RNF130: variants seen among roughly 807,000 people sequenced by gnomAD.
RNF130 encodes the protein ring finger protein 130, also known as E3 ubiquitin-protein ligase RNF130.
In RNF130, 21 loss-of-function variants were observed where a neutral mutation model predicts 44.6. The observed-to-expected ratio is 0.47, with a 90% CI of 0.33 to 0.68. RNF130 has a LOEUF of 0.68. RNF130 is among the 30% of genes least tolerant of loss of function. RNF130 has a pLI of 0.02. For synonymous variants in RNF130, 214 were observed against 210.4 expected (o/e 1.02, Z -0.15); for missense variants, 479 against 560.6 (o/e 0.85, Z 1.47).
chr5:179,979,595 G>A (rs568260399), intron 4 of RNF130, among the ~76,000 whole-genome samples: 19 of 152,144 alleles, frequency 1.2e-4, no homozygotes, highest in African/African-American at 4.6e-4. Context: ...GAGAAGCAGG[G>A]CTCTACCATA....
chr5:179,935,348 G>C (rs891453989), intron 7 of RNF130, among the ~76,000 whole-genome samples: 1 of 151,768 alleles, frequency 6.6e-6, no homozygotes, highest in Non-Finnish European at 1.5e-5. Flanking sequence ...AGTTGATGAG[G>C]GCTATATAAA....
At chr5:179,940,685 G>A (rs1321708664) in intron 7 of RNF130, among the ~76,000 whole-genome samples, 1 of 151,610 alleles carries the variant, frequency 6.6e-6, no homozygotes, top group Non-Finnish European at 1.5e-5. Context: ...ATGTCTTGGT[G>A]TGGTTTTTTT....
At chr5:180,054,649 G>A (rs373586083) in intron 1 of RNF130, among the ~76,000 whole-genome samples, 6 of 152,166 alleles carry the variant, frequency 3.9e-5, no homozygotes, top group East Asian at 1.9e-4. Flanking sequence ...TTTTCAAATT[G>A]AGAAATGTGA....
At chr5:179,950,918 CACT>C (rs1352355362), downstream of RNF130, among the ~76,000 whole-genome samples, 1 of 152,156 alleles carries the variant, frequency 6.6e-6, no homozygotes, top group African/African-American at 2.4e-5. Flanking sequence ...CTTTGATCTC[CACT>C]GAGATGAAAC....
chr5:180,071,593 G>A lies in RNF130; in HGVS notation c.110C>T (p.Ala37Val), dbSNP rs1243015237. 4 of 1,503,574 alleles carry A rather than the reference G, an allele frequency of 2.7e-6. No individual in the cohort carries two copies. The highest frequency in any genetic ancestry group is 1.3e-5 in the South Asian group (1 of 78,654). The allele number at this position is 1,503,574 out of a possible 1,614,324, so 93.1% of individuals were successfully genotyped here. The change falls in exon 1 of 9, where the codon GCG becomes GTG. Residue 37 changes from alanine to valine, a missense_variant. By Grantham distance (64) the Ala-to-Val change is moderately conservative (BLOSUM62 0). Coordinates refer to ENST00000521389, the MANE Select transcript of RNF130 (RefSeq NM_018434.6). The stretch of plus-strand genomic sequence containing the variant: ...CTCCTGCACCGTCACGTTGATGAGC[G>A]CCGTGTAGTACTCCTGGCTCGCGTT... ...ADNASQEYYT[A>V]LINVTVQEPG...
intron 5 of RNF130, 125 bp downstream of exon 5, chr5:179,978,078 G>A (rs545275787): frequency 3.1e-5 from 23 of 751,748 alleles, no homozygotes; most frequent in African/African-American, 1.0e-4. Context: ...AATGCACAGC[G>A]GACTTGGCCT....
At chr5:180,043,818 G>A (rs980188293) in intron 1 of RNF130, among the ~76,000 whole-genome samples, 2 of 151,844 alleles carry the variant, frequency 1.3e-5, no homozygotes, top group Non-Finnish European at 2.9e-5. Flanking sequence ...ATCCATAAAA[G>A]GTCTCTGAAA....
intron 3 of RNF130, among the ~76,000 whole-genome samples, chr5:180,006,311 T>C (rs1694319339): frequency 6.6e-6 from 1 of 152,186 alleles, no homozygotes; most frequent in Admixed American, 6.5e-5. Flanking sequence ...AAAAAACCTT[T>C]TGAACCCACC....
intron 5 of RNF130, among the ~76,000 whole-genome samples, chr5:179,972,775 T>A (rs1762614719): frequency 6.6e-6 from 1 of 152,198 alleles, no homozygotes; most frequent in Admixed American, 6.5e-5. Context: ...AATGGTATAA[T>A]CCTCATATTT....
intron 7 of RNF130, among the ~76,000 whole-genome samples, chr5:179,937,925 TGTGTGTGTGAGAGAGAGA>T (rs1561662727): frequency 2.2e-5 from 3 of 136,230 alleles, no homozygotes; most frequent in African/African-American, 9.0e-5. Flanking sequence ...TGTGTGTGTG[TGTGTGTGTGAGAGAGAGA>T]GAGAGAGAGA....
intron 3 of RNF130, among the ~76,000 whole-genome samples, chr5:180,005,285 G>A (rs1438435480): frequency 2.0e-5 from 3 of 152,010 alleles, no homozygotes; most frequent in East Asian, 3.9e-4. Flanking sequence ...AAAATTAGTC[G>A]GGCCTGGTGG....
intron 3 of RNF130, among the ~76,000 whole-genome samples, chr5:179,986,302 G>A (rs752568942): frequency 7.9e-5 from 12 of 152,236 alleles, no homozygotes; most frequent in Non-Finnish European, 1.6e-4. Flanking sequence ...GGCAGCACCT[G>A]CAGCTGAAGA....
intron 8 of RNF130, among the ~76,000 whole-genome samples, chr5:179,961,208 G>A (rs1762319695): frequency 6.6e-6 from 1 of 151,908 alleles, no homozygotes; most frequent in African/African-American, 2.4e-5. Context: ...GAGCATCCTT[G>A]CTCGTATCCA....
intron 8 of RNF130, among the ~76,000 whole-genome samples, chr5:179,957,445 C>T (rs558103121): frequency 6.6e-6 from 1 of 152,252 alleles, no homozygotes; most frequent in East Asian, 1.9e-4. Context: ...AAATAATAAC[C>T]ACTGCCAAAG....
chr5:180,070,617 T>TA (rs1765230935), intron 1 of RNF130, among the ~76,000 whole-genome samples: 1 of 152,332 alleles, frequency 6.6e-6, no homozygotes, highest in African/African-American at 2.4e-5. Context: ...TAATGGCAGA[T>TA]ATCTCCCAAA....
downstream of RNF130, among the ~76,000 whole-genome samples, chr5:179,951,954 AAAG>A (rs988435898): frequency 4.6e-4 from 70 of 152,298 alleles, no homozygotes; most frequent in African/African-American, 1.6e-3. Context: ...ATTAAATAAA[AAAG>A]ACCTCAAATC....
chr5:180,030,223 G>T (rs982422526), intron 2 of RNF130, among the ~76,000 whole-genome samples: 6 of 152,148 alleles, frequency 3.9e-5, no homozygotes, highest in African/African-American at 1.4e-4. Context: ...ACAAATAAAA[G>T]TAAAAAAAGA....
intron 3 of RNF130, among the ~76,000 whole-genome samples, chr5:180,000,132 AGACT>A (rs1246043581): frequency 2.6e-5 from 4 of 152,208 alleles, no homozygotes; most frequent in Non-Finnish European, 4.4e-5. Context: ...TGTCTAGGAA[AGACT>A]ATTTCACCCC....
chr5:180,053,170 C>G (rs1268944099), intron 1 of RNF130, among the ~76,000 whole-genome samples: 3 of 152,084 alleles, frequency 2.0e-5, no homozygotes, highest in African/African-American at 7.2e-5. Flanking sequence ...GATCTCAAAA[C>G]TGGCAGACAG....
Sources: gnomAD v4.1 joint callset for allele counts (sites outside exome capture counted in the v4.1 genomes callset) on GRCh38, gnomAD v4.1.1 for gene constraint, MANE v1.5 for transcripts, NCBI Gene and HGNC (gene_info 2026-07-23, HGNC 2026-07-21) for gene names.